ANKRD65: variants seen among roughly 807,000 people sequenced by gnomAD.
ANKRD65 encodes ankyrin repeat domain-containing protein 65.
In ANKRD65, 26 loss-of-function variants were observed where a neutral mutation model predicts 17.2. The ratio of observed to expected loss-of-function variants is 1.51; its 90% CI spans 1.11 to 2.09. The LOEUF is 2.09. Among genes scored for constraint, ANKRD65 ranks in the 30% most tolerant of loss-of-function variants. The pLI is 0.00. For missense variants in ANKRD65, 621 were observed against 542.2 expected, an observed-to-expected ratio of 1.15 and a Z score of -1.44; for synonymous variants, 311 against 272.2, an observed-to-expected ratio of 1.14 and a Z score of -1.40.
Position 1,419,555 on chromosome 1 carries a change from A to G in ANKRD65, c.751-6T>C. The G allele has an allele frequency of 1.3e-6, 2 of 1,516,806 alleles. No homozygotes were observed. The highest frequency in any genetic ancestry group is 1.4e-5 in the African/African-American group (1 of 72,648). 94.0% of individuals were successfully genotyped at this position (1,516,806 alleles called of 1,614,324 possible). Reference sequence around the variant, plus strand: ...CCCAGCAGCACCTCAATGTCCTAGAAGAGGAGAGAAAAGCAGGGGCCGGCC... The same window carrying G: ...CCCAGCAGCACCTCAATGTCCTAGAGGAGGAGAGAAAAGCAGGGGCCGGCC... On this transcript the variant is annotated splice_region_variant and splice_polypyrimidine_tract_variant and intron_variant, in intron 3 of 3. Coordinates refer to ENST00000537107, the MANE Select transcript of ANKRD65 (RefSeq NM_001145210.3).
At position 1,419,059 on chromosome 1, in the gene ANKRD65, G is replaced by T; in HGVS notation, c.*41C>A. The T allele has an allele frequency of 6.9e-7, 1 of 1,452,424 alleles. No individual in the cohort carries two copies. The highest frequency in any genetic ancestry group is 9.1e-7 in the Non-Finnish European group (1 of 1,096,238). 90.0% of individuals were successfully genotyped at this position (1,452,424 alleles called of 1,614,324 possible). On this transcript the variant is annotated 3_prime_UTR_variant, in exon 4 of 4. Coordinates refer to ENST00000537107, the MANE Select transcript of ANKRD65 (RefSeq NM_001145210.3). ...CAGGCAGCCTCAGCCAGAGAGCCTGGAAATCACTGGGGCGGTGGAGCCTGG... is the reference window on the plus strand; with the variant it reads ...CAGGCAGCCTCAGCCAGAGAGCCTGTAAATCACTGGGGCGGTGGAGCCTGG...
At position 1,421,228 on chromosome 1, in the gene ANKRD65, T is replaced by C. The variant is rs1645552808; in HGVS notation, c.-96A>G. On this transcript the variant is annotated 5_prime_UTR_variant, in exon 1 of 4. Coordinates refer to ENST00000537107, the MANE Select transcript of ANKRD65 (RefSeq NM_001145210.3). The stretch of plus-strand genomic sequence containing the variant: ...CAGCCTGGTGACCCTCTTCACAAAA[T>C]CCCTTCTGCAGGCTTTGGGGTGGAG... The C allele has an allele frequency of 5.3e-6, 3 of 569,310 alleles. No homozygotes were observed. Among genetic ancestry groups the C allele is most frequent in the Non-Finnish European group, 9.4e-6 (3 of 319,652 alleles). 35.3% of individuals were successfully genotyped at this position (569,310 alleles called of 1,614,324 possible).
chr1:1,420,473 G>C lies in ANKRD65; in HGVS notation c.329C>G (p.Ala110Gly). ...TCCGTGCCAGGCGGCCTCGTGCAGC[G>C]CGGTGCGCCCCGCCCGGTCCACCGC... Reference protein sequence around the residue: ...VGAVDRAGRTALHEAAWHGHS... With the variant: ...VGAVDRAGRTGLHEAAWHGHS... The change falls in exon 3 of 4, where the codon GCG becomes GGG. Residue 110 changes from alanine to glycine, a missense_variant. Physicochemically the swap from Ala to Gly is moderately conservative, Grantham distance 60. Transcript: ENST00000537107. 1 of 1,285,318 alleles carries C rather than the reference G, an allele frequency of 7.8e-7. No homozygotes were observed. Among genetic ancestry groups the C allele is most frequent in the African/African-American group, 1.6e-5 (1 of 64,010 alleles). The allele number at this position is 1,285,318 out of a possible 1,614,324, so 79.6% of individuals were successfully genotyped here. A position where few individuals can be genotyped will look rare whatever the true frequency, so the allele number is the denominator to read the frequency against.
At chr1:1,419,978 C>T in intron 3 of ANKRD65, 74 bp downstream of exon 3, 1 of 1,202,248 alleles carries the variant, frequency 8.3e-7, no homozygotes, top group Non-Finnish European at 1.0e-6. Context: ...GCTCCAGCTG[C>T]CCCGGTGGCA....
chr1:1,419,688 G>T, intron 3 of ANKRD65, 139 bp from the exon 4 acceptor site: 1 of 862,440 alleles, frequency 1.2e-6, no homozygotes, highest in Non-Finnish European at 1.7e-6. Flanking sequence ...ATGTTGTGAG[G>T]CCGAACCCAA....
Position 1,420,303 on chromosome 1 carries a change from G to A in ANKRD65, c.499C>T (p.Pro167Ser), listed in dbSNP as rs1262401607. 2 of 1,066,028 alleles carry A rather than the reference G, an allele frequency of 1.9e-6. No homozygotes were observed. The highest frequency in any genetic ancestry group is 2.3e-6 in the Non-Finnish European group (2 of 885,304). 66.0% of individuals were successfully genotyped at this position (1,066,028 alleles called of 1,614,324 possible). A position where few individuals can be genotyped will look rare whatever the true frequency, so the allele number is the denominator to read the frequency against. The change falls in exon 3 of 4, where the codon CCC (proline) becomes TCC (serine). Residue 167 changes from proline (P) to serine (S), a missense_variant. Coordinates refer to ENST00000537107, the MANE Select transcript of ANKRD65 (RefSeq NM_001145210.3). ...ARLLEAPGPG[P>S]AAAEAEDARG... Reference sequence around the variant, plus strand: ...GCGTCCTCCGCCTCCGCTGCCGCGGGTCCCGGGCCCGGAGCCTCCAGCAGG... The same window carrying A: ...GCGTCCTCCGCCTCCGCTGCCGCGGATCCCGGGCCCGGAGCCTCCAGCAGG...
At position 1,420,417 on chromosome 1, in the gene ANKRD65, G is replaced by A; in HGVS notation, c.385C>T (p.Arg129Cys). 2 of 1,326,660 alleles carry A rather than the reference G, an allele frequency of 1.5e-6. No individual in the cohort carries two copies. The highest frequency in any genetic ancestry group is 3.5e-5 in the East Asian group (1 of 28,612). 82.2% of individuals were successfully genotyped at this position (1,326,660 alleles called of 1,614,324 possible). A position where few individuals can be genotyped will look rare whatever the true frequency, so the allele number is the denominator to read the frequency against. The stretch of plus-strand genomic sequence containing the variant: ...GAGCGAGCCGCCGCCGAGGCCCCGC[G>A]CTGCAGCAGCAGCTCGGCCACCCGC... The part of the protein sequence containing the change: ...HSRVAELLLQ[R>C]GASAAARSGT... Residue 129 changes from arginine to cysteine, a missense_variant, in exon 3 of 4, where the codon CGC becomes TGC. Physicochemically the swap from Arg to Cys is radical, Grantham distance 180. Coordinates refer to ENST00000537107, the MANE Select transcript of ANKRD65 (RefSeq NM_001145210.3).
At chr1:1,420,018 C>G in intron 3 of ANKRD65, 34 bp downstream of exon 3, 1 of 1,259,328 alleles carries the variant, frequency 7.9e-7, no homozygotes, top group East Asian at 3.3e-5. Flanking sequence ...CCTGCGCCCC[C>G]TCCCATCACT....
At position 1,420,975 on chromosome 1, in the gene ANKRD65, C is replaced by A; in HGVS notation, c.31G>T (p.Glu11Ter). ...CGCAGTTCCTGTTCCTCCTCCTCCT[C>A]CTCTCTGGGCTCAGGCCTCTGGGAG... MDSQRPEPRE[E>*]EEEEQELRWM... The change falls in exon 2 of 4, where the codon GAG becomes TAG. Residue 11 changes from glutamate (E) to a stop codon, truncating the protein, a stop_gained. Coordinates refer to ENST00000537107, the MANE Select transcript of ANKRD65 (RefSeq NM_001145210.3). LOFTEE classifies it high-confidence loss of function. The A allele has an allele frequency of 6.4e-7, 1 of 1,550,650 alleles. No individual in the cohort carries two copies.
In ANKRD65 at chr1:1,420,433, G is replaced by C. The variant is rs1307101414; in HGVS notation, c.369C>G (p.Ala123=). 3 of 1,328,986 alleles carry C rather than the reference G, an allele frequency of 2.3e-6. No homozygotes were observed. Among genetic ancestry groups the C allele is most frequent in the South Asian group, 3.5e-5 (2 of 56,416 alleles). 82.3% of individuals were successfully genotyped at this position (1,328,986 alleles called of 1,614,324 possible). ...EAAWHGHSRV[A]ELLLQRGASA... ...AGGCCCCGCGCTGCAGCAGCAGCTCGGCCACCCGCGAGTGTCCGTGCCAGG... is the reference window on the plus strand; with the variant it reads ...AGGCCCCGCGCTGCAGCAGCAGCTCCGCCACCCGCGAGTGTCCGTGCCAGG... The change falls in exon 3 of 4, where the codon GCC becomes GCG. Residue 123 remains alanine, a synonymous_variant. Transcript: ENST00000537107.
At position 1,419,055 on chromosome 1, in the gene ANKRD65, C is replaced by T; in HGVS notation, c.*45G>A. Reference sequence around the variant, plus strand: ...CAGGCAGGCAGCCTCAGCCAGAGAGCCTGGAAATCACTGGGGCGGTGGAGC... The same window carrying T: ...CAGGCAGGCAGCCTCAGCCAGAGAGTCTGGAAATCACTGGGGCGGTGGAGC... On this transcript the variant is annotated 3_prime_UTR_variant, in exon 4 of 4. Coordinates refer to ENST00000537107, the MANE Select transcript of ANKRD65 (RefSeq NM_001145210.3). 1 of 1,450,804 alleles carries T rather than the reference C, an allele frequency of 6.9e-7. No homozygotes were observed. The highest frequency in any genetic ancestry group is 2.5e-5 in the East Asian group (1 of 39,852). The allele number at this position is 1,450,804 out of a possible 1,614,324, so 89.9% of individuals were successfully genotyped here. A position where few individuals can be genotyped will look rare whatever the true frequency, so the allele number is the denominator to read the frequency against.
Position 1,421,012 on chromosome 1 carries a change from G to A in ANKRD65, c.1-7C>T, listed in dbSNP as rs1645548658. Reference sequence around the variant, plus strand: ...CAGGCCTCTGGGAGTCCATCTGGGGGGGAGCAGGGATCCTACATCCACTGT... The same window carrying A: ...CAGGCCTCTGGGAGTCCATCTGGGGAGGAGCAGGGATCCTACATCCACTGT... On this transcript the variant is annotated splice_polypyrimidine_tract_variant and splice_region_variant and intron_variant, in intron 1 of 3. Transcript: ENST00000537107. 3.9e-6 allele frequency: 6 copies of A among 1,550,096 alleles called. No individual in the cohort carries two copies. Among genetic ancestry groups the A allele is most frequent in the Non-Finnish European group, 4.4e-6 (5 of 1,146,890 alleles).
rs1409996638 is a variant in ANKRD65, at chr1:1,420,911, C to G, written c.95G>C (p.Arg32Thr). 2 of 1,550,722 alleles carry G rather than the reference C, an allele frequency of 1.3e-6. No individual in the cohort carries two copies. The highest frequency in any genetic ancestry group is 2.7e-5 in the African/African-American group (2 of 73,192). ...CTGGACAACACTAGGCCCCTCTGTC[C>G]TGGTTCCCAGGGCCTCTTCGGAGTC... ...ELDSEEALGTRTEGPSVVQGW... is the reference protein window; with the variant it reads ...ELDSEEALGTTTEGPSVVQGW... The change falls in exon 2 of 4, where the codon AGG becomes ACG. Residue 32 changes from arginine (R) to threonine (T), a missense_variant. Physicochemically the swap from Arg to Thr is moderately conservative, Grantham distance 71. Transcript: ENST00000537107.
Position 1,419,343 on chromosome 1 carries a change from G to T in ANKRD65, c.957C>A (p.Gly319=), listed in dbSNP as rs921966006. The change falls in exon 4 of 4, where the codon GGC becomes GGA. Residue 319 remains glycine, a synonymous_variant. Transcript: ENST00000537107. ...ASREGHVEVA[G]CLLDRGAQVD... is the part of the protein sequence containing the mutation. ...CCTGGGCACCCCTGTCCAGCAGGCAGCCGGCAACCTCCACGTGGCCTTCCC... is the reference window on the plus strand; with the variant it reads ...CCTGGGCACCCCTGTCCAGCAGGCATCCGGCAACCTCCACGTGGCCTTCCC... The T allele has an allele frequency of 2.4e-5, 37 of 1,550,236 alleles. No individual in the cohort carries two copies. Among genetic ancestry groups the T allele is most frequent in the Non-Finnish European group, 3.0e-5 (34 of 1,146,864 alleles).
Position 1,420,388 on chromosome 1 carries a change from C to A in ANKRD65, c.414G>T (p.Gly138=), listed in dbSNP as rs1288543369. The A allele has an allele frequency of 1.5e-6, 2 of 1,306,770 alleles. No individual in the cohort carries two copies. Among genetic ancestry groups the A allele is most frequent in the Admixed American group, 3.5e-5 (1 of 28,966 alleles). 80.9% of individuals were successfully genotyped at this position (1,306,770 alleles called of 1,614,324 possible). A position where few individuals can be genotyped will look rare whatever the true frequency, so the allele number is the denominator to read the frequency against. The change falls in exon 3 of 4, where the codon GGG becomes GGT. Residue 138 remains glycine, a synonymous_variant. Transcript: ENST00000537107. ...QRGASAAARS[G]TGLTPLHWAA... is the part of the protein sequence containing the mutation. ...CCCAGTGCAGCGGCGTGAGGCCCGT[C>A]CCGGAGCGAGCCGCCGCCGAGGCCC...
chr1:1,418,537 A>G lies in ANKRD65; in HGVS notation c.*563T>C, dbSNP rs1017747458. 4.6e-5 allele frequency: 7 copies of G among 152,292 alleles called. No individual in the cohort carries two copies. The highest frequency in any genetic ancestry group is 3.9e-4 in the East Asian group (2 of 5,182). 9.4% of individuals were successfully genotyped at this position (152,292 alleles called of 1,614,324 possible). A position where few individuals can be genotyped will look rare whatever the true frequency, so the allele number is the denominator to read the frequency against. On this transcript the variant is annotated 3_prime_UTR_variant, in exon 4 of 4. Transcript: ENST00000537107. ...AAGGGCTCACAACACCGAAGATTTCACATGAAAGGGTCGTCATTGATTTGA... is the reference window on the plus strand; with the variant it reads ...AAGGGCTCACAACACCGAAGATTTCGCATGAAAGGGTCGTCATTGATTTGA...
rs1349309054 is a variant in ANKRD65, at chr1:1,420,317, G to A, written c.485C>T (p.Ala162Val). ...CGCTGCCGCGGGTCCCGGGCCCGGA[G>A]CCTCCAGCAGGCGCGCGGCCAGCAG... The part of the protein sequence containing the change: ...HTLLAARLLE[A>V]PGPGPAAAEA... Residue 162 changes from alanine (A) to valine (V), a missense_variant, in exon 3 of 4, where the codon GCT becomes GTT. By Grantham distance (64) the Ala-to-Val change is moderately conservative. Coordinates refer to ENST00000537107, the MANE Select transcript of ANKRD65 (RefSeq NM_001145210.3). 2.7e-5 allele frequency: 30 copies of A among 1,102,712 alleles called. No homozygotes were observed. The highest frequency in any genetic ancestry group is 3.7e-5 in the South Asian group (1 of 27,146). The allele number at this position is 1,102,712 out of a possible 1,614,324, so 68.3% of individuals were successfully genotyped here.
chr1:1,420,304 TC>T lies in ANKRD65; in HGVS notation c.497del (p.Gly166AspfsTer81). 9.4e-7 allele frequency: 1 copy of T among 1,067,260 alleles called. No homozygotes were observed. Among genetic ancestry groups the T allele is most frequent in the Non-Finnish European group, 1.1e-6 (1 of 886,108 alleles). 66.1% of individuals were successfully genotyped at this position (1,067,260 alleles called of 1,614,324 possible). ...CGTCCTCCGCCTCCGCTGCCGCGGG[TC>T]CCGGGCCCGGAGCCTCCAGCAGGCG... ...AARLLEAPGP[G>X]PAAAEAEDAR... On this transcript the variant is annotated frameshift_variant, in exon 3 of 4. Coordinates refer to ENST00000537107, the MANE Select transcript of ANKRD65 (RefSeq NM_001145210.3). LOFTEE classifies it high-confidence loss of function.
At position 1,420,330 on chromosome 1, in the gene ANKRD65, G is replaced by T; in HGVS notation, c.472C>A (p.Arg158Ser). ...AALGHTLLAA[R>S]LLEAPGPGPA... ...CCCGGGCCCGGAGCCTCCAGCAGGC[G>T]CGCGGCCAGCAGCGTGTGGCCCAGG... Residue 158 changes from arginine (R) to serine (S), a missense_variant, in exon 3 of 4, where the codon CGC (arginine) becomes AGC (serine). Coordinates refer to ENST00000537107, the MANE Select transcript of ANKRD65 (RefSeq NM_001145210.3). The T allele has an allele frequency of 8.8e-7, 1 of 1,134,000 alleles. No homozygotes were observed. The highest frequency in any genetic ancestry group is 1.1e-6 in the Non-Finnish European group (1 of 924,260). The allele number at this position is 1,134,000 out of a possible 1,614,324, so 70.2% of individuals were successfully genotyped here.
Sources: gnomAD v4.1 joint callset for allele counts on GRCh38, gnomAD v4.1.1 for gene constraint, MANE v1.5 for transcripts, NCBI Gene and HGNC (gene_info 2026-07-23, HGNC 2026-07-21) for gene names.